KANSL1L: variants seen among roughly 807,000 people sequenced by gnomAD.
KANSL1L encodes KAT8 regulatory NSL complex subunit 1 like, also known as KAT8 regulatory NSL complex subunit 1-like protein.
In KANSL1L, 25 loss-of-function variants were observed where a neutral mutation model predicts 108.6. The observed-to-expected ratio is 0.23, with a 90% CI of 0.17 to 0.32. KANSL1L has a LOEUF of 0.32. Ranked by LOEUF, KANSL1L falls within the 10% of genes least tolerant of loss-of-function variation. The pLI is 1.00. For synonymous variants in KANSL1L, 405 were observed against 395.1 expected, an observed-to-expected ratio of 1.03 and a Z score of -0.30; for missense variants, 1,137 against 1,125.7, an observed-to-expected ratio of 1.01 and a Z score of -0.14.
At chr2:210,094,334 T>G (rs1351708468) in intron 5 of KANSL1L, among the ~76,000 whole-genome samples, 2 of 152,134 alleles carry the variant, frequency 1.3e-5, no homozygotes, top group Non-Finnish European at 2.9e-5. Context: ...AACAAGGACA[T>G]CTTCAGAAAG....
upstream of KANSL1L, among the ~76,000 whole-genome samples, chr2:210,172,008 A>AC (rs398105261): frequency 6.0e-5 from 9 of 149,842 alleles, 1 homozygote; most frequent in East Asian, 1.2e-3. Context: ...AAAAAAAAAA[A>AC]CAGACAAAGC....
At chr2:210,130,968 T>C (rs1324477202) in intron 2 of KANSL1L, among the ~76,000 whole-genome samples, 2 of 152,082 alleles carry the variant, frequency 1.3e-5, no homozygotes, top group South Asian at 2.1e-4. Context: ...GTACAGATCA[T>C]TGTGATCTCT....
intron 6 of KANSL1L, among the ~76,000 whole-genome samples, chr2:210,073,811 C>T (rs1464200036): frequency 1.4e-5 from 2 of 147,408 alleles, no homozygotes; most frequent in Admixed American, 6.7e-5. Context: ...ACACACAGTT[C>T]CAATTCTCTA....
At chr2:210,064,817 CA>C (rs1168784210) in intron 6 of KANSL1L, among the ~76,000 whole-genome samples, 1,402 of 42,246 alleles carry the variant, frequency 0.033, 9 homozygotes, top group African/African-American at 0.097. Context: ...CCTCCCCCAC[CA>C]AAAAAAAAAA....
intron 1 of KANSL1L, chr2:210,170,720 A>C (rs1688282656): frequency 6.6e-6 from 1 of 152,320 alleles, no homozygotes; most frequent in Non-Finnish European, 1.5e-5. Context: ...GCCTCAAAAG[A>C]GCCGTCACCA....
chr2:210,066,339 C>T (rs1207684650), intron 6 of KANSL1L, among the ~76,000 whole-genome samples: 1 of 152,152 alleles, frequency 6.6e-6, no homozygotes, highest in Non-Finnish European at 1.5e-5. Flanking sequence ...AGGTAATCCA[C>T]AGAATCATGA....
intron 3 of KANSL1L, among the ~76,000 whole-genome samples, chr2:210,113,560 T>G (rs1443743900): frequency 6.6e-6 from 1 of 151,270 alleles, no homozygotes; most frequent in Non-Finnish European, 1.5e-5. Flanking sequence ...AAATGGAGCA[T>G]TCAAAGGAAA....
At chr2:210,066,930 G>A (rs1239805242) in intron 6 of KANSL1L, among the ~76,000 whole-genome samples, 1 of 152,208 alleles carries the variant, frequency 6.6e-6, no homozygotes, top group Non-Finnish European at 1.5e-5. Context: ...GTGTCTGTGA[G>A]GGTGTTTTCC....
intron 3 of KANSL1L, among the ~76,000 whole-genome samples, chr2:210,114,780 T>G (rs2094938844): frequency 6.6e-6 from 1 of 152,052 alleles, no homozygotes; most frequent in African/African-American, 2.4e-5. Flanking sequence ...TATAATTTTG[T>G]GACATCAACA....
At chr2:210,083,796 TC>T in intron 5 of KANSL1L, among the ~76,000 whole-genome samples, 1 of 124,542 alleles carries the variant, frequency 8.0e-6, no homozygotes, top group African/African-American at 3.2e-5. Context: ...GCCACTGCAC[TC>T]CAGCCCTGGG....
intron 2 of KANSL1L, chr2:210,153,124 G>A (rs1399635262): frequency 6.1e-6 from 1 of 164,370 alleles, no homozygotes; most frequent in Non-Finnish European, 1.3e-5. Flanking sequence ...GGGAGGCCGA[G>A]GCGGGTGGAT....
intron 5 of KANSL1L, among the ~76,000 whole-genome samples, chr2:210,086,692 T>C (rs1483479708): frequency 1.3e-5 from 2 of 152,038 alleles, no homozygotes; most frequent in Non-Finnish European, 2.9e-5. Flanking sequence ...TAAGTATGAG[T>C]TAATACTTAA....
intron 3 of KANSL1L, among the ~76,000 whole-genome samples, chr2:210,107,951 C>G (rs1336641980): frequency 6.6e-6 from 1 of 152,154 alleles, no homozygotes; most frequent in African/African-American, 2.4e-5. Flanking sequence ...ATTTACAAAA[C>G]AGCATCTCTC....
At chr2:210,114,931 C>G (rs1362858362) in intron 3 of KANSL1L, among the ~76,000 whole-genome samples, 1 of 151,134 alleles carries the variant, frequency 6.6e-6, no homozygotes, top group Non-Finnish European at 1.5e-5. Flanking sequence ...AAGAAAATAT[C>G]TACAGAATAT....
intron 2 of KANSL1L, among the ~76,000 whole-genome samples, chr2:210,138,453 C>A (rs2095195388): frequency 6.6e-6 from 1 of 151,790 alleles, no homozygotes; most frequent in South Asian, 2.1e-4. Context: ...GCATACATAC[C>A]CTGTAAATCT....
intron 5 of KANSL1L, among the ~76,000 whole-genome samples, chr2:210,082,325 A>G (rs1022557204): frequency 1.3e-5 from 2 of 152,228 alleles, no homozygotes; most frequent in African/African-American, 2.4e-5. Flanking sequence ...GATATGTGAT[A>G]AAAATGCTTT....
chr2:210,116,384 T>C (rs1160646451), intron 3 of KANSL1L, among the ~76,000 whole-genome samples: 1 of 152,136 alleles, frequency 6.6e-6, no homozygotes, highest in Admixed American at 6.6e-5. Context: ...CTGCTGATGA[T>C]AGAACTTTTG....
Position 210,153,960 on chromosome 2 carries a change from G to C in KANSL1L, c.623C>G (p.Pro208Arg), listed in dbSNP as rs781242025. 2.5e-6 allele frequency: 4 copies of C among 1,613,570 alleles called. No homozygotes were observed. Among genetic ancestry groups the C allele is most frequent in the Non-Finnish European group, 2.5e-6 (3 of 1,180,008 alleles). ...KKIVPGHSNV[P>R]VSSSAAEKEE... ...TTTTTCAGCAGCTGAAGAACTAACA[G>C]GCACATTTGAGTGGCCAGGTACAAT... The change falls in exon 2 of 15, where the codon CCT becomes CGT. Residue 208 changes from proline to arginine, a missense_variant. Physicochemically the swap from Pro to Arg is moderately radical, Grantham distance 103. Transcript: ENST00000281772.
chr2:210,029,027 CT>C, intron 10 of KANSL1L, 58 bp from the exon 11 acceptor site: 1 of 1,373,252 alleles, frequency 7.3e-7, no homozygotes, highest in East Asian at 2.5e-5. Context: ...TAATGATACC[CT>C]CCTTTCATCA....
Sources: gnomAD v4.1 joint callset for allele counts (sites outside exome capture counted in the v4.1 genomes callset) on GRCh38, gnomAD v4.1.1 for gene constraint, MANE v1.5 for transcripts, NCBI Gene and HGNC (gene_info 2026-07-23, HGNC 2026-07-21) for gene names.